Variants in ACOT11 observed in about 807,000 individuals in gnomAD.
The protein encoded by ACOT11 is acyl-CoA thioesterase 11.
A neutral mutation model predicts 77.5 loss-of-function variants in ACOT11; 69 were observed. The ratio of observed to expected loss-of-function variants is 0.89; its 90% CI spans 0.73 to 1.09. The LOEUF (loss-of-function observed/expected upper bound fraction) is 1.09. Among genes scored for constraint, ACOT11 ranks in the 50% least tolerant of loss-of-function variants. The pLI is 0.00. For missense variants in ACOT11, 766 were observed against 813.7 expected (o/e 0.94, Z 0.71); for synonymous variants, 279 against 313.0 (o/e 0.89, Z 1.15).
chr1:54,576,490 C>CT (rs1313928576), intron 1 of ACOT11, among the ~76,000 whole-genome samples: 1,274 of 63,946 alleles, frequency 0.02, 51 homozygotes, highest in African/African-American at 0.082. Context: ...AGAGCAAGAT[C>CT]TAAAAAAAAA....
intron 15 of ACOT11, among the ~76,000 whole-genome samples, chr1:54,625,570 AC>A (rs1644266973): frequency 6.6e-6 from 1 of 152,212 alleles, no homozygotes; most frequent in Admixed American, 6.5e-5. Context: ...ATCTCGAGTA[AC>A]AACCACATAT....
At chr1:54,615,914 C>A in intron 15 of ACOT11, 1 of 1,174,802 alleles carries the variant, frequency 8.5e-7, no homozygotes, top group Non-Finnish European at 1.2e-6. Flanking sequence ...AGGCAATGAG[C>A]ACCTCGTGTC....
At chr1:54,615,900 G>T in intron 15 of ACOT11, 1 of 1,027,050 alleles carries the variant, frequency 9.7e-7, no homozygotes, top group Non-Finnish European at 1.5e-6. Flanking sequence ...TGATGAGAAA[G>T]CCAAGGCAAT....
downstream of ACOT11, chr1:54,614,786 T>C: frequency 6.2e-7 from 1 of 1,614,140 alleles, no homozygotes; most frequent in Non-Finnish European, 8.5e-7. Flanking sequence ...GGACTTTGCC[T>C]TCCTCTGTCA....
intron 1 of ACOT11, among the ~76,000 whole-genome samples, chr1:54,551,342 C>A (rs574375531): frequency 1.2e-4 from 19 of 152,078 alleles, no homozygotes; most frequent in Middle Eastern, 3.4e-3. Context: ...CCCTACTCGC[C>A]CCTGGGTACC....
At chr1:54,567,593 T>C (rs937463035) in intron 1 of ACOT11, among the ~76,000 whole-genome samples, 60 of 152,202 alleles carry the variant, frequency 3.9e-4, no homozygotes, top group African/African-American at 1.3e-3. Flanking sequence ...TTCCCTAATT[T>C]TTATCCTGCC....
chr1:54,592,558 G>T lies in ACOT11; in HGVS notation c.324G>T (p.Val108=). ...YFEHTISVGQ[V]VNIKAKVNRA... ...TTCCTCTCCCCAGTGTTGGACAAGTGGTGAATATCAAGGCCAAGGTGAACC... is the reference window on the plus strand; with the variant it reads ...TTCCTCTCCCCAGTGTTGGACAAGTTGTGAATATCAAGGCCAAGGTGAACC... The change falls in exon 4 of 16, where the codon GTG becomes GTT. Residue 108 remains valine (V), a synonymous_variant. Coordinates refer to ENST00000343744, the MANE Select transcript of ACOT11 (RefSeq NM_147161.4). 6.2e-7 allele frequency: 1 copy of T among 1,613,034 alleles called. No homozygotes were observed. Among genetic ancestry groups the T allele is most frequent in the Non-Finnish European group, 8.5e-7 (1 of 1,179,544 alleles).
chr1:54,630,416 G>A (rs1486310653), intron 15 of ACOT11, among the ~76,000 whole-genome samples: 1 of 152,196 alleles, frequency 6.6e-6, no homozygotes, highest in Non-Finnish European at 1.5e-5. Flanking sequence ...GGGTTTACGG[G>A]AATGACGGCA....
chr1:54,615,927 G>A, intron 15 of ACOT11: 1 of 1,339,030 alleles, frequency 7.5e-7, no homozygotes, highest in Non-Finnish European at 1.0e-6. Flanking sequence ...CTCGTGTCAG[G>A]GCTGGACTTG....
At chr1:54,572,968 C>T in intron 1 of ACOT11, 1 of 985,442 alleles carries the variant, frequency 1.0e-6, no homozygotes, top group Non-Finnish European at 1.2e-6. Flanking sequence ...TGAGAGTTTG[C>T]AATTTCCTCA....
intron 3 of ACOT11, among the ~76,000 whole-genome samples, chr1:54,591,743 C>A (rs932639897): frequency 6.6e-6 from 1 of 152,198 alleles, no homozygotes; most frequent in African/African-American, 2.4e-5. Context: ...GGAGGACAGG[C>A]TGCAGCTGGG....
intron 1 of ACOT11, among the ~76,000 whole-genome samples, chr1:54,580,283 C>T (rs1054493664): frequency 2.0e-5 from 3 of 152,214 alleles, no homozygotes; most frequent in Non-Finnish European, 4.4e-5. Context: ...CCCTTCAGGG[C>T]AGGTAGGTCT....
At chr1:54,574,535 C>T (rs944786467) in intron 1 of ACOT11, among the ~76,000 whole-genome samples, 1 of 152,216 alleles carries the variant, frequency 6.6e-6, no homozygotes, top group African/African-American at 2.4e-5. Flanking sequence ...TGTGTTCCCT[C>T]CTTTGCACCT....
rs1312537011 is a variant in ACOT11, at chr1:54,597,275, CTG to C, written c.626_627del (p.Cys209Ter). On this transcript the variant is annotated frameshift_variant, in exon 7 of 16. Transcript: ENST00000343744. LOFTEE classifies it high-confidence loss of function. The stretch of plus-strand genomic sequence containing the variant: ...CCTGGTCAGATCTGGAGAGCAGAGA[CTG>C]TAGCCGCATGGTGCCGGCTGAGAAG... ...AIQGDLESRD[C>X]SRMVPAEKTR... 1 of 1,612,968 alleles carries C rather than the reference CTG, an allele frequency of 6.2e-7. No individual in the cohort carries two copies. The highest frequency in any genetic ancestry group is 8.5e-7 in the Non-Finnish European group (1 of 1,180,024).
intron 1 of ACOT11, among the ~76,000 whole-genome samples, chr1:54,554,333 G>GTGTGTGTA (rs1324068229): frequency 3.1e-5 from 3 of 96,386 alleles, no homozygotes; most frequent in Non-Finnish European, 5.9e-5. Flanking sequence ...GTGTGTGTGT[G>GTGTGTGTA]TATATATATA....
chr1:54,621,232 G>A lies in ACOT11; in HGVS notation c.1630-9502G>A, dbSNP rs561371643. 4.6e-5 allele frequency among the ~76,000 whole-genome samples: 7 copies of A among 151,616 alleles called. No homozygotes were observed. The East Asian group carries it at 1.2e-3, about 25-fold the overall frequency. ...AGCACTTTGGGAGACCGAGGCAGGC[G>A]GATCACCTGAGTTCAGGAGTTCACG... On this transcript the variant is annotated intron_variant, in intron 15 of 16. Transcript: ENST00000371316.
chr1:54,622,166 C>CT (rs1460740728), intron 15 of ACOT11, among the ~76,000 whole-genome samples: 1 of 148,664 alleles, frequency 6.7e-6, no homozygotes, highest in Non-Finnish European at 1.5e-5. Flanking sequence ...ATCCCAGCTA[C>CT]TTGGGAGGCT....
chr1:54,573,123 G>A, intron 1 of ACOT11: 1 of 985,456 alleles, frequency 1.0e-6, no homozygotes, highest in Non-Finnish European at 1.2e-6. Flanking sequence ...CTGGCTCCAG[G>A]TATGGGTCCT....
At position 54,623,410 on chromosome 1, in the gene ACOT11, G is replaced by C. The variant is rs759233976; in HGVS notation, c.1630-7324G>C. On this transcript the variant is annotated intron_variant, in intron 15 of 16. Transcript: ENST00000371316. ...CTGCAGACCATGGCGACGCTCTCTG[G>C]GGAATGCCCCCAACTCCGTGCGGCC... The C allele has an allele frequency of 6.9e-6, 11 of 1,602,290 alleles. No homozygotes were observed. In the South Asian group the frequency reaches 1.2e-4, roughly 18 times the overall value.
Sources: gnomAD v4.1 joint callset for allele counts (sites outside exome capture counted in the v4.1 genomes callset) on GRCh38, gnomAD v4.1.1 for gene constraint, MANE v1.5 for transcripts, NCBI Gene and HGNC (gene_info 2026-07-23, HGNC 2026-07-21) for gene names.